Variants in ATP5MK observed in about 807,000 individuals in gnomAD.
ATP5MK encodes the protein ATP synthase membrane subunit k, also known as ATP synthase F(0) complex subunit k, mitochondrial.
ATP5MK carries 5 observed loss-of-function variants against 6.6 expected under a neutral mutation model. That is an observed-to-expected ratio of 0.76 (90% CI 0.40 to 1.60). The LOEUF (loss-of-function observed/expected upper bound fraction) is 1.60. ATP5MK is among the 40% of genes most tolerant of loss of function. ATP5MK has a pLI of 0.02. For synonymous variants in ATP5MK, 30 were observed against 24.5 expected (o/e 1.22, Z -0.66); for missense variants, 57 against 66.6 (o/e 0.86, Z 0.50).
chr10:103,394,326 T>C (rs368845325), intron 2 of ATP5MK: 13 of 533,974 alleles, frequency 2.4e-5, no homozygotes, highest in South Asian at 4.2e-5. Flanking sequence ...GCCGAGTCGA[T>C]TGGCAACACA....
chr10:103,395,100 CA>C (rs2093427512), intron 2 of ATP5MK, among the ~76,000 whole-genome samples: 1 of 152,018 alleles, frequency 6.6e-6, no homozygotes, highest in African/African-American at 2.4e-5. Context: ...TTGAGAGGCT[CA>C]AATGGAGGGC....
Position 103,392,362 on chromosome 10 carries a change from A to G in ATP5MK, c.87+9T>C, listed in dbSNP as rs367864584. ...TAAAATATAACTGCTTAAAGTTATC[A>G]ATACTTACGTTCATTCTACCTGTGA... On this transcript the variant is annotated intron_variant, in intron 3 of 4. Transcript: ENST00000369815. 8 of 1,594,922 alleles carry G rather than the reference A, an allele frequency of 5.0e-6. No homozygotes were observed. The African/African-American group carries it at 1.1e-4, about 22-fold the overall frequency.
At chr10:103,396,279 C>T (rs772376146) in intron 1 of ATP5MK, 130 bp downstream of exon 1, 6 of 152,366 alleles carry the variant, frequency 3.9e-5, no homozygotes, top group African/African-American at 7.2e-5. Flanking sequence ...TTTTTTCTAG[C>T]TCCTTTCCCA....
intron 4 of ATP5MK, among the ~76,000 whole-genome samples, chr10:103,390,292 G>A (rs1403513651): frequency 1.3e-5 from 2 of 152,038 alleles, no homozygotes; most frequent in Non-Finnish European, 2.9e-5. Context: ...AGGAGTTTGA[G>A]AGCAGCCTGG....
chr10:103,389,878 C>A (rs1196230752), intron 4 of ATP5MK, among the ~76,000 whole-genome samples: 1 of 150,878 alleles, frequency 6.6e-6, no homozygotes, highest in East Asian at 2.0e-4. Context: ...ATTACAGGTG[C>A]CTGCCACCAC....
intron 4 of ATP5MK, among the ~76,000 whole-genome samples, chr10:103,391,052 T>C (rs753350754): frequency 1.6e-4 from 25 of 152,180 alleles, no homozygotes; most frequent in Non-Finnish European, 2.8e-4. Flanking sequence ...AGTCACCCAA[T>C]TGATAAATAA....
chr10:103,392,342 T>C, intron 3 of ATP5MK, 29 bp downstream of exon 3: 1 of 1,591,298 alleles, frequency 6.3e-7, no homozygotes, highest in Non-Finnish European at 8.6e-7. Flanking sequence ...TATTTTAAAA[T>C]ATAACTGCTT....
intron 4 of ATP5MK, among the ~76,000 whole-genome samples, chr10:103,390,192 G>C (rs2093410090): frequency 6.6e-6 from 1 of 152,058 alleles, no homozygotes; most frequent in South Asian, 2.1e-4. Flanking sequence ...GATTGGAAAA[G>C]CTCTTAAGCA....
intron 2 of ATP5MK, among the ~76,000 whole-genome samples, chr10:103,393,649 G>C (rs978208144): frequency 1.3e-5 from 2 of 151,916 alleles, no homozygotes; most frequent in African/African-American, 4.8e-5. Context: ...CAAGTTGGCA[G>C]TATCTTATCG....
At chr10:103,393,576 T>C (rs1395173982) in intron 2 of ATP5MK, among the ~76,000 whole-genome samples, 1 of 144,368 alleles carries the variant, frequency 6.9e-6, no homozygotes, top group East Asian at 2.0e-4. Flanking sequence ...CGAGACGCCG[T>C]CTCAAAAAAA....
chr10:103,393,965 T>C (rs1285190636), intron 2 of ATP5MK, among the ~76,000 whole-genome samples: 1 of 152,250 alleles, frequency 6.6e-6, no homozygotes, highest in Non-Finnish European at 1.5e-5. Flanking sequence ...TTCTGGGTCT[T>C]GTCCCTAGAC....
intron 4 of ATP5MK, among the ~76,000 whole-genome samples, chr10:103,390,809 G>A (rs1399036296): frequency 6.6e-6 from 1 of 151,756 alleles, no homozygotes; most frequent in Non-Finnish European, 1.5e-5. Context: ...AAAAGTCTGC[G>A]AAGGAGAGCT....
intron 2 of ATP5MK, 77 bp from the exon 3 acceptor site, chr10:103,392,543 A>G: frequency 1.7e-6 from 2 of 1,176,738 alleles, no homozygotes; most frequent in Non-Finnish European, 2.4e-6. Context: ...GTCTTGTTTT[A>G]GTCTAAAAAC....
At chr10:103,390,024 G>A (rs572970071) in intron 4 of ATP5MK, among the ~76,000 whole-genome samples, 29 of 151,880 alleles carry the variant, frequency 1.9e-4, no homozygotes, top group African/African-American at 7.0e-4. Context: ...GAGCCACCAC[G>A]CCCAGCCTCT....
Position 103,389,174 on chromosome 10 carries a change from C to T in ATP5MK, c.*4-8G>A, listed in dbSNP as rs2093405656. ...CGTAGACAGTTTAAAATCCTATAAACAAAGCAAACAGTTTAGATACAAATG... is the reference window on the plus strand; with the variant it reads ...CGTAGACAGTTTAAAATCCTATAAATAAAGCAAACAGTTTAGATACAAATG... On this transcript the variant is annotated splice_region_variant and splice_polypyrimidine_tract_variant and intron_variant, in intron 4 of 4. Transcript: ENST00000369815. 1 of 152,352 alleles carries T rather than the reference C, an allele frequency of 6.6e-6. No individual in the cohort carries two copies. Among genetic ancestry groups the T allele is most frequent in the Non-Finnish European group, 1.5e-5 (1 of 68,034 alleles). The allele number at this position is 152,352 out of a possible 1,614,324, so 9.4% of individuals were successfully genotyped here.
chr10:103,394,402 A>C (rs1364460095), intron 2 of ATP5MK: 3 of 509,946 alleles, frequency 5.9e-6, no homozygotes, highest in Non-Finnish European at 8.3e-6. Flanking sequence ...GGTCTTGATG[A>C]AATGGAAGAG....
chr10:103,390,541 C>T (rs888915981), intron 4 of ATP5MK, among the ~76,000 whole-genome samples: 1 of 151,870 alleles, frequency 6.6e-6, no homozygotes, highest in African/African-American at 2.4e-5. Context: ...GTAATCCCAA[C>T]ACTTTGGGAA....
chr10:103,391,638 G>A (rs1284492991), intron 4 of ATP5MK, among the ~76,000 whole-genome samples: 1 of 151,668 alleles, frequency 6.6e-6, no homozygotes, highest in Non-Finnish European at 1.5e-5. Flanking sequence ...CTCCCGAGTA[G>A]CTGGGATTAT....
intron 4 of ATP5MK, among the ~76,000 whole-genome samples, chr10:103,390,959 T>C (rs1044477545): frequency 3.3e-5 from 5 of 152,142 alleles, no homozygotes; most frequent in African/African-American, 1.2e-4. Context: ...AAGACAGAAT[T>C]ACATAAACAT....
Sources: gnomAD v4.1 joint callset for allele counts (sites outside exome capture counted in the v4.1 genomes callset) on GRCh38, gnomAD v4.1.1 for gene constraint, MANE v1.5 for transcripts, NCBI Gene and HGNC (gene_info 2026-07-23, HGNC 2026-07-21) for gene names.